The following PTPRD variants were observed in gnomAD, a reference collection of about 807,000 sequenced individuals.
PTPRD encodes the protein receptor-type tyrosine-protein phosphatase delta.
In PTPRD, 34 loss-of-function variants were observed where a neutral mutation model predicts 214.5. The ratio of observed to expected loss-of-function variants is 0.16; its 90% CI spans 0.12 to 0.21. PTPRD has a LOEUF of 0.21. Among genes scored for constraint, PTPRD ranks in the 10% least tolerant of loss-of-function variants. The pLI is 1.00. For synonymous variants in PTPRD, 1,128 were observed against 845.7 expected (o/e 1.33, Z -5.79); for missense variants, 2,545 against 2,398.7 (o/e 1.06, Z -1.27).
chr9:10,343,129 C>A (rs1013615935), intron 2 of PTPRD, among the ~76,000 whole-genome samples: 1 of 151,936 alleles, frequency 6.6e-6, no homozygotes, highest in African/African-American at 2.4e-5. Context: ...CCTCCCCCAG[C>A]CCCCGACCCC....
intron 9 of PTPRD, among the ~76,000 whole-genome samples, chr9:9,308,595 A>C (rs1333757244): frequency 6.6e-6 from 1 of 152,174 alleles, no homozygotes; most frequent in Non-Finnish European, 1.5e-5. Flanking sequence ...GGTATTTGCT[A>C]TCTAGGGTTG....
chr9:10,175,451 A>T (rs1442706025), intron 3 of PTPRD, among the ~76,000 whole-genome samples: 1 of 152,042 alleles, frequency 6.6e-6, no homozygotes, highest in Non-Finnish European at 1.5e-5. Flanking sequence ...TACATAATAT[A>T]ACATTAAATA....
At chr9:8,713,862 T>G (rs1597731677) in intron 12 of PTPRD, 2 of 1,285,488 alleles carry the variant, frequency 1.6e-6, no homozygotes, top group Non-Finnish European at 2.2e-6. Flanking sequence ...CTCGCCCGGG[T>G]GCGCCCCAAA....
intron 7 of PTPRD, among the ~76,000 whole-genome samples, chr9:9,608,016 T>G (rs187324251): frequency 3.3e-4 from 50 of 152,286 alleles, no homozygotes; most frequent in African/African-American, 1.1e-3. Flanking sequence ...CTGATTAGAA[T>G]CAGACTCCAC....
At chr9:8,472,358 C>G (rs538522253) in intron 30 of PTPRD, among the ~76,000 whole-genome samples, 1 of 152,308 alleles carries the variant, frequency 6.6e-6, no homozygotes, top group Non-Finnish European at 1.5e-5. Flanking sequence ...AGGACACTCC[C>G]AACCCTGTGT....
intron 3 of PTPRD, among the ~76,000 whole-genome samples, chr9:10,067,581 C>A (rs929377987): frequency 6.6e-6 from 1 of 151,804 alleles, no homozygotes; most frequent in Non-Finnish European, 1.5e-5. Flanking sequence ...TCCTGAGACT[C>A]TGCGAGGAGG....
chr9:8,739,940 A>ATGAT (rs2091487248), intron 11 of PTPRD, among the ~76,000 whole-genome samples: 1 of 152,172 alleles, frequency 6.6e-6, no homozygotes, highest in African/African-American at 2.4e-5. Context: ...ACCCTCCACC[A>ATGAT]TGATTGTGAG....
intron 10 of PTPRD, among the ~76,000 whole-genome samples, chr9:9,098,160 G>A (rs2099786346): frequency 1.3e-5 from 2 of 152,094 alleles, no homozygotes; most frequent in South Asian, 4.1e-4. Context: ...CATTAATGAT[G>A]ATTCTTGCTC....
intron 2 of PTPRD, among the ~76,000 whole-genome samples, chr9:10,364,616 C>T (rs904795619): frequency 4.0e-5 from 6 of 150,780 alleles, no homozygotes; most frequent in African/African-American, 1.0e-4. Context: ...TCTTTAACCT[C>T]AAGAATCAGA....
intron 14 of PTPRD, among the ~76,000 whole-genome samples, chr9:8,617,037 A>G (rs984170198): frequency 2.0e-5 from 3 of 152,094 alleles, no homozygotes; most frequent in South Asian, 2.1e-4. Context: ...TCTACTTTCT[A>G]TAACTGTTGT....
intron 12 of PTPRD, among the ~76,000 whole-genome samples, chr9:8,709,250 C>T (rs942342573): frequency 1.3e-5 from 2 of 151,988 alleles, no homozygotes; most frequent in African/African-American, 2.4e-5. Context: ...CGCAGTGGCT[C>T]GCACCTGTAA....
intron 6 of PTPRD, among the ~76,000 whole-genome samples, chr9:9,740,337 T>C (rs906024869): frequency 1.3e-5 from 2 of 151,298 alleles, no homozygotes; most frequent in Non-Finnish European, 2.9e-5. Context: ...TATGAAGTTG[T>C]TCCATTTTAT....
intron 8 of PTPRD, among the ~76,000 whole-genome samples, chr9:9,447,106 G>C (rs373225548): frequency 2.0e-5 from 3 of 152,124 alleles, no homozygotes; most frequent in South Asian, 2.1e-4. Flanking sequence ...GAATAGTGTG[G>C]AGATTCCTCA....
At chr9:9,822,083 A>G (rs1392018791) in intron 5 of PTPRD, among the ~76,000 whole-genome samples, 1 of 151,770 alleles carries the variant, frequency 6.6e-6, no homozygotes, top group Non-Finnish European at 1.5e-5. Context: ...CTGTAAATTT[A>G]TCACATAAAC....
chr9:10,251,228 A>C (rs1444684379), intron 3 of PTPRD, among the ~76,000 whole-genome samples: 1 of 152,156 alleles, frequency 6.6e-6, no homozygotes, highest in Non-Finnish European at 1.5e-5. Context: ...TATGCTAGGC[A>C]CTTTCATGTG....
intron 9 of PTPRD, among the ~76,000 whole-genome samples, chr9:9,278,138 A>G (rs1397209966): frequency 6.6e-6 from 1 of 151,412 alleles, no homozygotes; most frequent in Admixed American, 6.6e-5. Flanking sequence ...ATAAAAAATA[A>G]TAAACAAGTA....
chr9:9,453,548 C>G (rs2092562823), intron 8 of PTPRD, among the ~76,000 whole-genome samples: 1 of 151,438 alleles, frequency 6.6e-6, no homozygotes, highest in Non-Finnish European at 1.5e-5. Flanking sequence ...TAAGGGGATT[C>G]TTATTACTAA....
At chr9:10,139,744 C>A (rs2098969702) in intron 3 of PTPRD, among the ~76,000 whole-genome samples, 2 of 152,122 alleles carry the variant, frequency 1.3e-5, no homozygotes, top group Middle Eastern at 3.4e-3. Flanking sequence ...CCTGTACCTA[C>A]AACCATCTGA....
chr9:8,974,323 G>T (rs2099255969), intron 11 of PTPRD, among the ~76,000 whole-genome samples: 1 of 151,944 alleles, frequency 6.6e-6, no homozygotes, highest in South Asian at 2.1e-4. Flanking sequence ...CTTATTGCTT[G>T]TTTTTGTCAG....
Sources: gnomAD v4.1 joint callset for allele counts (sites outside exome capture counted in the v4.1 genomes callset) on GRCh38, gnomAD v4.1.1 for gene constraint, MANE v1.5 for transcripts, NCBI Gene and HGNC (gene_info 2026-07-23, HGNC 2026-07-21) for gene names.